Variants in SPESP1 observed in about 807,000 individuals in gnomAD.
SPESP1 encodes the protein sperm equatorial segment protein 1.
In SPESP1, 1 loss-of-function variant was observed where a neutral mutation model predicts 3.1. That is an observed-to-expected ratio of 0.33 (90% confidence interval 0.12 to 1.54). The LOEUF (loss-of-function observed/expected upper bound fraction) is 1.54. Ranked by LOEUF, SPESP1 falls within the 40% of genes most tolerant of loss-of-function variation. The pLI, the probability that SPESP1 is intolerant of heterozygous loss-of-function variation, is 0.38. For missense variants in SPESP1, 398 were observed against 410.1 expected (o/e 0.97, Z 0.26); for synonymous variants, 138 against 150.7 (o/e 0.92, Z 0.62).
chr15:68,945,663 AGTAC>A lies in SPESP1; in HGVS notation c.131_134del (p.Val44GlufsTer23), dbSNP rs769628067. The A allele has an allele frequency of 2.5e-6, 4 of 1,612,588 alleles. No individual in the cohort carries two copies. In the East Asian group the frequency reaches 8.9e-5, roughly 36 times the overall value. On this transcript the variant is annotated frameshift_variant, in exon 2 of 2. Coordinates refer to ENST00000310673, the MANE Select transcript of SPESP1 (RefSeq NM_145658.4). LOFTEE classifies it low-confidence loss of function (END_TRUNC). ...ATTATATACAAGTTTTAGAGAACCT[AGTAC>A]GAAGTGTTCCCTCTGGGGAGCCAGG...
Position 68,930,688 on chromosome 15 carries a change from T to C in SPESP1, c.35T>C (p.Leu12Pro). ...KPLVLLVALL[L>P]WPSSVPAYPS... ...TTAGTCCTTCTAGTTGCGCTTTTGC[T>C]ATGGCCTTCGTCTGTGCCGGCTTAT... Residue 12 changes from leucine (L) to proline (P), a missense_variant, in exon 1 of 2, where the codon CTA (leucine) becomes CCA (proline). By Grantham distance (98) the Leu-to-Pro change is moderately conservative. Coordinates refer to ENST00000310673, the MANE Select transcript of SPESP1 (RefSeq NM_145658.4). 1 of 1,614,024 alleles carries C rather than the reference T, an allele frequency of 6.2e-7. No individual in the cohort carries two copies. Among genetic ancestry groups the C allele is most frequent in the Non-Finnish European group, 8.5e-7 (1 of 1,179,916 alleles).
In SPESP1 at chr15:68,946,479, T is replaced by C. The variant is rs1195243524; in HGVS notation, c.945T>C (p.Asp315=). 1.9e-6 allele frequency: 3 copies of C among 1,613,436 alleles called. No homozygotes were observed. The highest frequency in any genetic ancestry group is 2.5e-6 in the Non-Finnish European group (3 of 1,179,924). Residue 315 remains aspartate, a synonymous_variant, in exon 2 of 2, where the codon GAT becomes GAC. Coordinates refer to ENST00000310673, the MANE Select transcript of SPESP1 (RefSeq NM_145658.4). ...GATCTAAACTCTATGAATATTTAGA[T>C]ATTAAATGTGTTCCACCAGAGATGA... ...NSRSKLYEYL[D]IKCVPPEMRE... is the part of the protein sequence containing the mutation.
chr15:68,934,935 T>A (rs1895646404), intron 1 of SPESP1, among the ~76,000 whole-genome samples: 1 of 152,152 alleles, frequency 6.6e-6, no homozygotes, highest in Non-Finnish European at 1.5e-5. Flanking sequence ...TTTTAAAGAC[T>A]TCTTGTTTTC....
intron 1 of SPESP1, among the ~76,000 whole-genome samples, chr15:68,943,199 A>G (rs554704211): frequency 2.0e-5 from 3 of 152,220 alleles, no homozygotes; most frequent in South Asian, 2.1e-4. Context: ...GCAACTGCCC[A>G]TATGAGTTTA....
chr15:68,942,573 T>C (rs1357013607), intron 1 of SPESP1, among the ~76,000 whole-genome samples: 1 of 152,208 alleles, frequency 6.6e-6, no homozygotes, highest in African/African-American at 2.4e-5. Flanking sequence ...TATATTTTAA[T>C]GTTCTTTTTA....
Position 68,930,546 on chromosome 15 carries a change from T to C in SPESP1, c.-108T>C. ...AACCGTTGCTGGGTGTCCCAGGGCC[T>C]GAGGCAGGACGGTACTCCGCTGACA... On this transcript the variant is annotated 5_prime_UTR_variant, in exon 1 of 2. Coordinates refer to ENST00000310673, the MANE Select transcript of SPESP1 (RefSeq NM_145658.4). 2 of 1,452,976 alleles carry C rather than the reference T, an allele frequency of 1.4e-6. No individual in the cohort carries two copies. The highest frequency in any genetic ancestry group is 1.4e-5 in the African/African-American group (1 of 71,308). 90.0% of individuals were successfully genotyped at this position (1,452,976 alleles called of 1,614,324 possible).
At chr15:68,938,973 T>G (rs1257104272) in intron 1 of SPESP1, among the ~76,000 whole-genome samples, 1 of 152,248 alleles carries the variant, frequency 6.6e-6, no homozygotes, top group Non-Finnish European at 1.5e-5. Flanking sequence ...ATTTCCCCTT[T>G]GGATTTCCTA....
chr15:68,932,563 T>C (rs1895575563), intron 1 of SPESP1, among the ~76,000 whole-genome samples: 1 of 152,174 alleles, frequency 6.6e-6, no homozygotes, highest in South Asian at 2.1e-4. Context: ...GGCTAATTTT[T>C]GTATTTCTAG....
intron 1 of SPESP1, among the ~76,000 whole-genome samples, chr15:68,934,032 TTTAATA>T (rs1895621583): frequency 6.6e-6 from 1 of 151,998 alleles, no homozygotes; most frequent in South Asian, 2.1e-4. Flanking sequence ...TTAATATTAA[TTTAATA>T]TTAATATATG....
chr15:68,941,837 T>C lies in SPESP1; in HGVS notation c.65-3762T>C, dbSNP rs561189775. 2.6e-5 allele frequency among the ~76,000 whole-genome samples: 4 copies of C among 152,354 alleles called. No individual in the cohort carries two copies. In the South Asian group the frequency reaches 8.3e-4, roughly 32 times the overall value. Reference sequence around the variant, plus strand: ...CATATTGATTTTGGCATGTTTTTAATATTTTATGGTTATGTATATATATAA... The same window carrying C: ...CATATTGATTTTGGCATGTTTTTAACATTTTATGGTTATGTATATATATAA... On this transcript the variant is annotated intron_variant, in intron 1 of 1. Coordinates refer to ENST00000310673, the MANE Select transcript of SPESP1 (RefSeq NM_145658.4).
At chr15:68,939,292 T>C (rs1895758518) in intron 1 of SPESP1, among the ~76,000 whole-genome samples, 1 of 152,220 alleles carries the variant, frequency 6.6e-6, no homozygotes, top group South Asian at 2.1e-4. Context: ...AGATGGGATA[T>C]TATAAAGTAT....
At position 68,946,171 on chromosome 15, in the gene SPESP1, G is replaced by C. The variant is rs776314410; in HGVS notation, c.637G>C (p.Glu213Gln). The C allele has an allele frequency of 1.2e-5, 19 of 1,614,032 alleles. No homozygotes were observed. Among genetic ancestry groups the C allele is most frequent in the Non-Finnish European group, 1.6e-5 (19 of 1,180,042 alleles). Residue 213 changes from glutamate to glutamine, a missense_variant, in exon 2 of 2, where the codon GAG becomes CAG. By Grantham distance (29) the Glu-to-Gln change is conservative. Transcript: ENST00000310673. ...TGAAACTGCGATAGAAAAACCCGAA[G>C]AGTTTGGAAAGCACCCAGAGAGTTG... The part of the protein sequence containing the change: ...SGETAIEKPE[E>Q]FGKHPESWNN...
chr15:68,945,902 C>T lies in SPESP1; in HGVS notation c.368C>T (p.Ser123Leu). The T allele has an allele frequency of 2.5e-6, 4 of 1,614,000 alleles. No homozygotes were observed. The highest frequency in any genetic ancestry group is 3.4e-6 in the Non-Finnish European group (4 of 1,180,002). ...KKHTESTPFW[S>L]IKPNNVSIVL... ...CACACGGAAAGTACCCCATTCTGGT[C>T]GATCAAACCAAACAATGTTTCCATT... The change falls in exon 2 of 2, where the codon TCG becomes TTG. Residue 123 changes from serine to leucine, a missense_variant. Transcript: ENST00000310673.
intron 1 of SPESP1, among the ~76,000 whole-genome samples, chr15:68,936,470 A>G (rs1401064954): frequency 6.6e-6 from 1 of 152,242 alleles, no homozygotes; most frequent in Non-Finnish European, 1.5e-5. Flanking sequence ...AAAAGGACAC[A>G]TATCGTATGA....
At position 68,930,556 on chromosome 15, in the gene SPESP1, C is replaced by T. The variant is rs542227872; in HGVS notation, c.-98C>T. ...GGGTGTCCCAGGGCCTGAGGCAGGA[C>T]GGTACTCCGCTGACACCTTCCCTTT... On this transcript the variant is annotated 5_prime_UTR_variant, in exon 1 of 2. In the 5' UTR this introduces an upstream ATG that the reference lacks. Coordinates refer to ENST00000310673, the MANE Select transcript of SPESP1 (RefSeq NM_145658.4). 4.0e-6 allele frequency: 6 copies of T among 1,517,512 alleles called. No individual in the cohort carries two copies. Among genetic ancestry groups the T allele is most frequent in the Non-Finnish European group, 5.5e-6 (6 of 1,100,498 alleles). 94.0% of individuals were successfully genotyped at this position (1,517,512 alleles called of 1,614,324 possible). A position where few individuals can be genotyped will look rare whatever the true frequency, so the allele number is the denominator to read the frequency against.
chr15:68,932,480 T>C (rs1895572565), intron 1 of SPESP1, among the ~76,000 whole-genome samples: 1 of 148,556 alleles, frequency 6.7e-6, no homozygotes, highest in South Asian at 2.1e-4. Flanking sequence ...AACCTCTGCC[T>C]CCCAGGCTCG....
rs550766292 is a variant in SPESP1 at position 68,931,591 on chromosome 15, A to G, written c.64+874A>G. Among the ~76,000 whole-genome samples, 5 of 152,354 alleles carry G rather than the reference A, an allele frequency of 3.3e-5. No individual in the cohort carries two copies. The East Asian group carries it at 9.7e-4, about 29-fold the overall frequency. On this transcript the variant is annotated intron_variant, in intron 1 of 1. Transcript: ENST00000310673. The stretch of plus-strand genomic sequence containing the variant: ...GACACTCACCTGAGGATGCGCTCCC[A>G]GAGAGCATGCTTGCGCACACGGCAT...
chr15:68,943,458 T>C (rs568012931), intron 1 of SPESP1, among the ~76,000 whole-genome samples: 5 of 152,296 alleles, frequency 3.3e-5, no homozygotes, highest in Non-Finnish European at 7.4e-5. Flanking sequence ...ACTAACCACA[T>C]TGGCTCACTA....
At chr15:68,945,190 C>T (rs1895928001) in intron 1 of SPESP1, among the ~76,000 whole-genome samples, 1 of 152,188 alleles carries the variant, frequency 6.6e-6, no homozygotes, top group Admixed American at 6.5e-5. Flanking sequence ...CTGTGTTTAA[C>T]ATCTGGCTCA....
Sources: allele counts gnomAD v4.1 joint callset (sites outside exome capture counted in the v4.1 genomes callset), GRCh38; gene constraint gnomAD v4.1.1; transcripts MANE v1.5; gene names NCBI Gene and HGNC (gene_info 2026-07-23, HGNC 2026-07-21).